Variants in RCN3 observed in about 807,000 individuals in gnomAD.
RCN3 encodes the protein reticulocalbin-3.
Under a neutral mutation model 35.9 loss-of-function variants are expected in RCN3, and 41 were observed. That is an observed-to-expected ratio of 1.14 (90% CI 0.89 to 1.48). RCN3 has a LOEUF of 1.48. Ranked by LOEUF, RCN3 falls within the 40% of genes most tolerant of loss-of-function variation. The pLI is 0.00. For missense variants in RCN3, 451 were observed against 471.3 expected (o/e 0.96, Z 0.40); for synonymous variants, 187 against 193.4 (o/e 0.97, Z 0.27).
chr19:49,528,284 GCTTTA>G, intron 1 of RCN3, 178 bp from the exon 2 acceptor site: 1 of 532,470 alleles, frequency 1.9e-6, no homozygotes, highest in Admixed American at 3.1e-5. Context: ...CCCATAGGTG[GCTTTA>G]CCTCTAAGCA....
chr19:49,535,396 CA>C (rs2080129173), intron 3 of RCN3, among the ~76,000 whole-genome samples: 1 of 152,144 alleles, frequency 6.6e-6, no homozygotes, highest in African/African-American at 2.4e-5. Context: ...ACGCTTGGAT[CA>C]GTTATTTCTT....
chr19:49,528,677 G>C lies in RCN3; in HGVS notation c.205G>C (p.Asp69His). 6.2e-7 allele frequency: 1 copy of C among 1,609,242 alleles called. No individual in the cohort carries two copies. Residue 69 changes from aspartate (D) to histidine (H), a missense_variant, in exon 2 of 7, where the codon GAC becomes CAC. Coordinates refer to ENST00000270645, the MANE Select transcript of RCN3 (RefSeq NM_020650.3). Reference protein sequence around the residue: ...FLGREVAKEFDQLTPEESQAR... With the variant: ...FLGREVAKEFHQLTPEESQAR... ...GGGACGGGAAGTGGCCAAGGAATTCGACCAACTCACCCCAGAGGAAAGCCA... is the reference window on the plus strand; with the variant it reads ...GGGACGGGAAGTGGCCAAGGAATTCCACCAACTCACCCCAGAGGAAAGCCA...
intron 5 of RCN3, 111 bp downstream of exon 5, chr19:49,539,290 A>AT: frequency 1.2e-6 from 1 of 801,472 alleles, no homozygotes; most frequent in Non-Finnish European, 2.0e-6. Context: ...AGTGGCCCTC[A>AT]GACATGGGGG....
chr19:49,533,080 C>T (rs943483867), intron 2 of RCN3, among the ~76,000 whole-genome samples: 4 of 152,148 alleles, frequency 2.6e-5, no homozygotes, highest in Admixed American at 2.6e-4. Context: ...GTAACTGAGA[C>T]ACAGAGAGGT....
At chr19:49,530,472 G>A (rs1295057687) in intron 2 of RCN3, among the ~76,000 whole-genome samples, 1 of 150,644 alleles carries the variant, frequency 6.6e-6, no homozygotes, top group Non-Finnish European at 1.5e-5. Flanking sequence ...ACCCAGCCCA[G>A]GCCCAGGTAA....
intron 1 of RCN3, 58 bp from the exon 2 acceptor site, chr19:49,528,409 A>G (rs1222599892): frequency 2.6e-5 from 37 of 1,423,812 alleles, no homozygotes; most frequent in African/African-American, 5.9e-5. Context: ...CCATTCTCCT[A>G]TCCCGTGTCT....
At chr19:49,541,924 G>A (rs1194257275) in intron 5 of RCN3, among the ~76,000 whole-genome samples, 1 of 151,934 alleles carries the variant, frequency 6.6e-6, no homozygotes, top group Non-Finnish European at 1.5e-5. Flanking sequence ...AGGTTGCAGT[G>A]AGCTGAGATT....
chr19:49,542,221 C>T (rs2080165983), intron 5 of RCN3, among the ~76,000 whole-genome samples: 1 of 152,170 alleles, frequency 6.6e-6, no homozygotes, highest in South Asian at 2.1e-4. Flanking sequence ...TGGCCAGAAA[C>T]ATCCTCGCAC....
chr19:49,534,462 C>G, intron 3 of RCN3, 67 bp downstream of exon 3: 2 of 1,490,350 alleles, frequency 1.3e-6, no homozygotes, highest in Admixed American at 4.1e-5. Context: ...CCGCCTCATT[C>G]TGAGAACCCT....
intron 6 of RCN3, 86 bp downstream of exon 6, chr19:49,542,838 G>C (rs2080169964): frequency 1.6e-6 from 2 of 1,283,522 alleles, no homozygotes; most frequent in Admixed American, 2.4e-5. Context: ...TGGGCCTGGA[G>C]CTCAGGGTCC....
At chr19:49,539,928 G>A (rs1035164568) in intron 5 of RCN3, among the ~76,000 whole-genome samples, 1 of 151,898 alleles carries the variant, frequency 6.6e-6, no homozygotes, top group African/African-American at 2.4e-5. Context: ...TCACCATGTT[G>A]GCCAGGCTGG....
Position 49,534,195 on chromosome 19 carries a change from G to T in RCN3, c.245G>T (p.Arg82Leu). ...TPEESQARLG[R>L]IVDRMDRAGD... ...CGTGTGCCCGCCCCGGCTTCTAGGC[G>T]GATCGTGGACCGCATGGACCGCGCG... Residue 82 changes from arginine (R) to leucine (L), a missense_variant and splice_region_variant, in exon 3 of 7, where the codon CGG (arginine) becomes CTG (leucine). By Grantham distance (102) the Arg-to-Leu change is moderately radical (BLOSUM62 -2). Transcript: ENST00000270645. 1.3e-6 allele frequency: 2 copies of T among 1,491,184 alleles called. No homozygotes were observed. The highest frequency in any genetic ancestry group is 2.2e-5 in the Admixed American group (1 of 45,910). 92.4% of individuals were successfully genotyped at this position (1,491,184 alleles called of 1,614,324 possible).
chr19:49,533,685 GAC>G (rs540716107), intron 2 of RCN3, among the ~76,000 whole-genome samples: 2 of 132,052 alleles, frequency 1.5e-5, no homozygotes, highest in South Asian at 5.3e-4. Flanking sequence ...GCCTGAAATT[GAC>G]ACGCGCAGCC....
chr19:49,529,226 A>G (rs2080096770), intron 2 of RCN3, among the ~76,000 whole-genome samples: 1 of 152,160 alleles, frequency 6.6e-6, no homozygotes, highest in Admixed American at 6.6e-5. Context: ...AGGGCAGCAA[A>G]ATCTGGGTTA....
chr19:49,530,086 GAGTCCTAGCTACAAGTGAACGCTACA>G (rs1351334144), intron 2 of RCN3, among the ~76,000 whole-genome samples: 5 of 151,958 alleles, frequency 3.3e-5, no homozygotes, highest in Non-Finnish European at 5.9e-5. Flanking sequence ...CTAGTAGCTA[GAGTCCTAGCTACAAGTGAACGCTACA>G]AGTCCTAGCT....
At chr19:49,535,112 C>A (rs1386089274) in intron 3 of RCN3, among the ~76,000 whole-genome samples, 9 of 152,138 alleles carry the variant, frequency 5.9e-5, no homozygotes, top group Non-Finnish European at 7.4e-5. Flanking sequence ...CCCTCCTGGG[C>A]CCCCAGGAGA....
At chr19:49,528,773 G>C in intron 2 of RCN3, 59 bp downstream of exon 2, 2 of 1,456,844 alleles carry the variant, frequency 1.4e-6, no homozygotes, top group South Asian at 2.9e-5. Context: ...AGAGACGCGG[G>C]GGTATCGACA....
rs1018865349 is a variant in RCN3, at chr19:49,543,283, C to T, written c.*70C>T. 4.0e-6 allele frequency: 5 copies of T among 1,257,598 alleles called. No homozygotes were observed. The African/African-American group carries it at 6.0e-5, about 15-fold the overall frequency. 77.9% of individuals were successfully genotyped at this position (1,257,598 alleles called of 1,614,324 possible). Reference sequence around the variant, plus strand: ...GAGGAGGGGCCGCTGTGGTCTGGCCCCCTCCCTGTCCAGGCCCCGCAGGAG... The same window carrying T: ...GAGGAGGGGCCGCTGTGGTCTGGCCTCCTCCCTGTCCAGGCCCCGCAGGAG... On this transcript the variant is annotated 3_prime_UTR_variant, in exon 7 of 7. Transcript: ENST00000270645.
chr19:49,539,081 T>TCATCGGCCCC, intron 4 of RCN3, 38 bp from the exon 5 acceptor site: 1 of 1,511,692 alleles, frequency 6.6e-7, no homozygotes, highest in Non-Finnish European at 8.9e-7. Flanking sequence ...GGAGCCAGGG[T>TCATCGGCCCC]CATCGGCCCC....
Sources: gnomAD v4.1 joint callset for allele counts (sites outside exome capture counted in the v4.1 genomes callset) on GRCh38, gnomAD v4.1.1 for gene constraint, MANE v1.5 for transcripts, NCBI Gene and HGNC (gene_info 2026-07-23, HGNC 2026-07-21) for gene names.